Variants in LRBA observed in about 807,000 individuals in gnomAD.
The protein encoded by LRBA is lipopolysaccharide-responsive and beige-like anchor protein.
Under a neutral mutation model 330.0 loss-of-function variants are expected in LRBA, and 176 were observed. That is an observed-to-expected ratio of 0.53 (90% CI 0.47 to 0.60). The LOEUF is 0.60. LRBA is among the 20% of genes least tolerant of loss of function. The probability of loss-of-function intolerance (pLI) is 0.00; values close to 1 mark genes in which losing one functional copy is unlikely to be tolerated. For synonymous variants in LRBA, 1,230 were observed against 1,193.0 expected (o/e 1.03, Z -0.64); for missense variants, 3,259 against 3,444.8 (o/e 0.95, Z 1.35).
chr4:150,298,907 A>G (rs755509741), intron 53 of LRBA, among the ~76,000 whole-genome samples: 3 of 152,100 alleles, frequency 2.0e-5, no homozygotes, highest in Non-Finnish European at 2.9e-5. Context: ...TTTAAAAGAT[A>G]TTATTCAGAT....
intron 46 of LRBA, among the ~76,000 whole-genome samples, chr4:150,425,799 TTAAA>T (rs971124076): frequency 3.9e-5 from 6 of 152,062 alleles, no homozygotes; most frequent in African/African-American, 1.4e-4. Flanking sequence ...TTAGTTAAAA[TTAAA>T]TATTTATTTC....
chr4:150,630,989 T>C (rs1777322027), intron 37 of LRBA, among the ~76,000 whole-genome samples: 1 of 152,124 alleles, frequency 6.6e-6, no homozygotes, highest in Admixed American at 6.5e-5. Context: ...CAATGGGTTT[T>C]GTACAAACAT....
intron 37 of LRBA, among the ~76,000 whole-genome samples, chr4:150,639,040 C>A (rs1298395174): frequency 8.1e-6 from 1 of 122,796 alleles, no homozygotes; most frequent in Non-Finnish European, 1.7e-5. Flanking sequence ...ATGATGAGTT[C>A]ATGTCCTTTG....
chr4:150,814,641 A>C (rs987100694), intron 31 of LRBA, among the ~76,000 whole-genome samples: 7 of 150,946 alleles, frequency 4.6e-5, no homozygotes, highest in Non-Finnish European at 3.0e-5. Context: ...TTTTTTAAAA[A>C]TGGGGGGGGC....
chr4:150,437,312 G>A (rs1205935687), intron 44 of LRBA, among the ~76,000 whole-genome samples: 1 of 152,028 alleles, frequency 6.6e-6, no homozygotes, highest in African/African-American at 2.4e-5. Context: ...GGAGATAGGT[G>A]AGATGGAGCA....
chr4:150,934,731 G>A (rs537250459), intron 2 of LRBA, among the ~76,000 whole-genome samples: 16 of 152,130 alleles, frequency 1.1e-4, no homozygotes, highest in East Asian at 7.7e-4. Flanking sequence ...AAATTAGGCC[G>A]GGCACAGTGG....
intron 41 of LRBA, among the ~76,000 whole-genome samples, chr4:150,488,601 G>T (rs1758174253): frequency 1.3e-5 from 2 of 151,304 alleles, no homozygotes; most frequent in South Asian, 4.1e-4. Flanking sequence ...TAAAGAACAT[G>T]AAAGTAAAAT....
chr4:150,762,245 T>C (rs1012010788), intron 34 of LRBA, among the ~76,000 whole-genome samples: 4 of 152,008 alleles, frequency 2.6e-5, no homozygotes, highest in African/African-American at 7.2e-5. Context: ...AATAGTTCAA[T>C]AACCCTAATA....
chr4:150,454,926 T>C (rs921999509), intron 44 of LRBA, among the ~76,000 whole-genome samples: 13 of 147,196 alleles, frequency 8.8e-5, no homozygotes, highest in Non-Finnish European at 1.8e-4. Context: ...TTTTTTGGTG[T>C]TCAGTGTTTT....
chr4:150,487,001 C>T (rs944798100), intron 42 of LRBA, among the ~76,000 whole-genome samples: 7 of 151,764 alleles, frequency 4.6e-5, no homozygotes, highest in Admixed American at 4.0e-4. Flanking sequence ...CATTCCATTG[C>T]ATATATATAC....
intron 48 of LRBA, 91 bp downstream of exon 48, chr4:150,349,901 C>T: frequency 8.8e-7 from 1 of 1,131,558 alleles, no homozygotes. Flanking sequence ...TTCTTCATCA[C>T]TAAAATCAAA....
chr4:150,343,827 A>G (rs766395884), intron 48 of LRBA, among the ~76,000 whole-genome samples: 1 of 152,206 alleles, frequency 6.6e-6, no homozygotes, highest in Admixed American at 6.5e-5. Flanking sequence ...GGAAATTATA[A>G]TTATTGAGCA....
At chr4:150,596,439 T>C (rs1206132057) in intron 38 of LRBA, among the ~76,000 whole-genome samples, 1 of 151,944 alleles carries the variant, frequency 6.6e-6, no homozygotes, top group Non-Finnish European at 1.5e-5. Context: ...ATATAGTTCA[T>C]GGTGTTCTAA....
intron 2 of LRBA, among the ~76,000 whole-genome samples, chr4:151,004,981 A>G (rs1743840160): frequency 6.6e-6 from 1 of 152,174 alleles, no homozygotes; most frequent in African/African-American, 2.4e-5. Context: ...ACAGAGCGAG[A>G]CTTCGACTCA....
intron 40 of LRBA, among the ~76,000 whole-genome samples, chr4:150,505,564 A>G (rs1237175817): frequency 6.6e-6 from 1 of 152,090 alleles, no homozygotes; most frequent in Non-Finnish European, 1.5e-5. Context: ...CAGAATCTCT[A>G]GGACACATTC....
chr4:150,878,765 C>T (rs538942336), intron 17 of LRBA, among the ~76,000 whole-genome samples: 1 of 151,352 alleles, frequency 6.6e-6, no homozygotes, highest in African/African-American at 2.4e-5. Flanking sequence ...CATAGAAACA[C>T]AAAATCAGGA....
intron 21 of LRBA, 115 bp downstream of exon 21, chr4:150,868,065 TAA>T: frequency 8.8e-7 from 1 of 1,132,602 alleles, no homozygotes; most frequent in Non-Finnish European, 1.2e-6. Context: ...ATACTCTTAA[TAA>T]AAAAAATAGA....
At chr4:150,588,001 C>T (rs367932854) in intron 40 of LRBA, 47 bp downstream of exon 40, 2 of 1,589,620 alleles carry the variant, frequency 1.3e-6, no homozygotes, top group Admixed American at 1.7e-5. Flanking sequence ...TCCAACAGCA[C>T]CCACCATCCC....
rs1778352774 is a variant in LRBA at position 150,639,755 on chromosome 4, ATATATATATATATATATATATATATATG to A, written c.5922-40652_5922-40625del. 3.0e-4 allele frequency among the ~76,000 whole-genome samples: 6 copies of A among 20,212 alleles called. 1 individual carries two copies. Among genetic ancestry groups the A allele is most frequent in the South Asian group, 2.1e-3 (1 of 482 alleles). 13.3% of individuals were successfully genotyped at this position (20,212 alleles called of 152,430 possible). A position where few individuals can be genotyped will look rare whatever the true frequency, so the allele number is the denominator to read the frequency against. On this transcript the variant is annotated intron_variant, in intron 37 of 56. Coordinates refer to ENST00000651943, the MANE Select transcript of LRBA (RefSeq NM_001364905.1). ...GCCCCAAATATATATATATATATATATATATATATATATATATATATATATATGTGTGTGTGTATATATATATATATGT... is the reference window on the plus strand; with the variant it reads ...GCCCCAAATATATATATATATATATATGTGTGTGTATATATATATATATGT...
Sources: allele counts gnomAD v4.1 joint callset (sites outside exome capture counted in the v4.1 genomes callset), GRCh38; gene constraint gnomAD v4.1.1; transcripts MANE v1.5; gene names NCBI Gene and HGNC (gene_info 2026-07-23, HGNC 2026-07-21).